Variants in SLC30A8 observed in about 807,000 individuals in gnomAD.
SLC30A8 encodes the protein proton-coupled zinc antiporter SLC30A8.
In SLC30A8, 27 loss-of-function variants were observed where a neutral mutation model predicts 36.9. That is an observed-to-expected ratio of 0.73 (90% CI 0.54 to 1.01). SLC30A8 has a LOEUF of 1.01. Ranked by LOEUF, SLC30A8 falls within the 50% of genes least tolerant of loss-of-function variation. The pLI is 0.00. For synonymous variants in SLC30A8, 164 were observed against 172.4 expected, an observed-to-expected ratio of 0.95 and a Z score of 0.38; for missense variants, 439 against 452.0, an observed-to-expected ratio of 0.97 and a Z score of 0.26.
intron 1 of SLC30A8, among the ~76,000 whole-genome samples, chr8:117,021,611 A>G (rs553014245): frequency 2.6e-4 from 39 of 152,314 alleles, no homozygotes; most frequent in African/African-American, 9.4e-4. Context: ...AAACCCAAGC[A>G]GGTTTTAAAA....
chr8:117,155,344 G>A (rs1023044021), intron 3 of SLC30A8, among the ~76,000 whole-genome samples: 4 of 152,184 alleles, frequency 2.6e-5, no homozygotes, highest in Non-Finnish European at 5.9e-5. Flanking sequence ...ACCCTGTTTT[G>A]GATTTTCATG....
chr8:116,966,471 A>G (rs944686832), intron 1 of SLC30A8, among the ~76,000 whole-genome samples: 3 of 152,180 alleles, frequency 2.0e-5, no homozygotes, highest in Admixed American at 1.3e-4. Flanking sequence ...GAAGCAGGGA[A>G]TGAGGCCATA....
intron 1 of SLC30A8, among the ~76,000 whole-genome samples, chr8:116,955,722 CA>C (rs61311411): frequency 0.56 from 75,744 of 135,444 alleles, 20,392 homozygotes; most frequent in Middle Eastern, 0.62. Context: ...GACTCTGTCT[CA>C]AAAAAAAAAA....
chr8:117,172,915 A>G lies in SLC30A8; in HGVS notation c.*234A>G, dbSNP rs1586625580. The G allele has an allele frequency of 5.6e-6, 3 of 540,320 alleles. No homozygotes were observed. Among genetic ancestry groups the G allele is most frequent in the African/African-American group, 3.8e-5 (2 of 52,860 alleles). 33.5% of individuals were successfully genotyped at this position (540,320 alleles called of 1,614,324 possible). On this transcript the variant is annotated 3_prime_UTR_variant, in exon 8 of 8. Transcript: ENST00000456015. ...TGTGTTCAATTGCAGGAATGTGTAT[A>G]TAGATTATTCCTGAGTGGAGCCGAA...
At chr8:117,086,706 A>G (rs1038806863) in intron 2 of SLC30A8, among the ~76,000 whole-genome samples, 2 of 152,190 alleles carry the variant, frequency 1.3e-5, no homozygotes, top group Non-Finnish European at 2.9e-5. Context: ...AAGTTAAACT[A>G]TGCAAACACA....
At chr8:117,100,911 G>A (rs1009087836) in intron 2 of SLC30A8, among the ~76,000 whole-genome samples, 5 of 151,972 alleles carry the variant, frequency 3.3e-5, no homozygotes, top group Admixed American at 3.3e-4. Context: ...CCTTCTTAAT[G>A]TCTCCATTAT....
chr8:116,997,677 A>G (rs1336329542), intron 1 of SLC30A8, among the ~76,000 whole-genome samples: 2 of 152,202 alleles, frequency 1.3e-5, no homozygotes, highest in Non-Finnish European at 2.9e-5. Flanking sequence ...CAGTGTTTTG[A>G]AAATGAAGAA....
intron 1 of SLC30A8, among the ~76,000 whole-genome samples, chr8:117,031,712 C>T (rs1817056831): frequency 6.6e-6 from 1 of 152,158 alleles, no homozygotes; most frequent in Non-Finnish European, 1.5e-5. Context: ...GAGCCGCCCA[C>T]CTCGGCCTCC....
rs532297118 is a variant in SLC30A8 at position 116,992,594 on chromosome 8, G to A, written c.-266+41475G>A. Among the ~76,000 whole-genome samples the A allele has an allele frequency of 3.9e-5, 6 of 152,256 alleles. No individual in the cohort carries two copies. The South Asian group carries it at 1.2e-3, about 32-fold the overall frequency. ...ATTAGAGAGCAGGACTAGCAAAGCA[G>A]TCCCAAGTAGGTCCAGCAGTTTGTA... is the stretch of plus-strand genomic sequence containing the variant. On this transcript the variant is annotated intron_variant, in intron 1 of 10. Transcript: ENST00000427715.
At chr8:117,015,548 C>CCAA (rs1554623798) in intron 1 of SLC30A8, among the ~76,000 whole-genome samples, 2 of 139,040 alleles carry the variant, frequency 1.4e-5, no homozygotes, top group African/African-American at 5.5e-5. Flanking sequence ...CCCCCCCCCC[C>CCAA]AAAAAAAAGA....
chr8:117,029,821 G>T (rs552321951), intron 1 of SLC30A8, among the ~76,000 whole-genome samples: 1 of 152,068 alleles, frequency 6.6e-6, no homozygotes, highest in Non-Finnish European at 1.5e-5. Flanking sequence ...GTCCAATGTC[G>T]GAATATTTGA....
At chr8:117,136,245 A>G (rs189966747) in intron 1 of SLC30A8, among the ~76,000 whole-genome samples, 12 of 152,128 alleles carry the variant, frequency 7.9e-5, no homozygotes, top group Admixed American at 3.3e-4. Flanking sequence ...TTTTAAGGAA[A>G]GTTTCCCAGA....
chr8:117,071,128 G>T (rs1419977870), intron 2 of SLC30A8, among the ~76,000 whole-genome samples: 2 of 152,072 alleles, frequency 1.3e-5, no homozygotes, highest in African/African-American at 2.4e-5. Context: ...CCATACTGTT[G>T]TCCATAATGG....
intron 1 of SLC30A8, among the ~76,000 whole-genome samples, chr8:116,994,188 T>C (rs1429412484): frequency 1.3e-5 from 2 of 152,102 alleles, no homozygotes; most frequent in African/African-American, 4.8e-5. Flanking sequence ...TTGGAGCAAC[T>C]GGACCTCTGT....
intron 2 of SLC30A8, among the ~76,000 whole-genome samples, chr8:117,061,262 A>G (rs1201594697): frequency 1.3e-5 from 2 of 152,176 alleles, no homozygotes; most frequent in Admixed American, 6.5e-5. Context: ...TCCATCACCC[A>G]TTTGCATGCA....
intron 2 of SLC30A8, among the ~76,000 whole-genome samples, chr8:117,148,668 T>C (rs1822016528): frequency 6.6e-6 from 1 of 152,158 alleles, no homozygotes; most frequent in Admixed American, 6.5e-5. Flanking sequence ...TCCAGGAATA[T>C]GTTATGTTTC....
At chr8:117,054,331 G>A (rs1817801680) in intron 2 of SLC30A8, among the ~76,000 whole-genome samples, 1 of 152,026 alleles carries the variant, frequency 6.6e-6, no homozygotes, top group African/African-American at 2.4e-5. Flanking sequence ...GGACTGCTGG[G>A]TTCGAGCAAT....
At chr8:117,159,183 T>A (rs945985406) in intron 4 of SLC30A8, among the ~76,000 whole-genome samples, 1 of 151,322 alleles carries the variant, frequency 6.6e-6, no homozygotes, top group Non-Finnish European at 1.5e-5. Flanking sequence ...AGAACTATAA[T>A]AAGTTTGTGT....
At chr8:117,099,604 A>G (rs945025938) in intron 2 of SLC30A8, among the ~76,000 whole-genome samples, 26 of 152,222 alleles carry the variant, frequency 1.7e-4, no homozygotes, top group Non-Finnish European at 3.1e-4. Context: ...GGTATCTTAA[A>G]GAAAGCTTTA....
Sources: allele counts gnomAD v4.1 joint callset (sites outside exome capture counted in the v4.1 genomes callset), GRCh38; gene constraint gnomAD v4.1.1; transcripts MANE v1.5; gene names NCBI Gene and HGNC (gene_info 2026-07-23, HGNC 2026-07-21).